The following L3MBTL1 variants were observed in gnomAD, a reference collection of about 807,000 sequenced individuals.
The protein encoded by L3MBTL1 is lethal(3)malignant brain tumor-like protein 1.
In L3MBTL1, 75 loss-of-function variants were observed where a neutral mutation model predicts 105.3. The ratio of observed to expected loss-of-function variants is 0.71; its 90% confidence interval spans 0.59 to 0.86. The LOEUF is 0.86. L3MBTL1 is among the 40% of genes least tolerant of loss of function. The probability of loss-of-function intolerance (pLI) is 0.00; values close to 1 mark genes in which losing one functional copy is unlikely to be tolerated. For synonymous variants in L3MBTL1, 452 were observed against 436.2 expected (o/e 1.04, Z -0.45); for missense variants, 1,069 against 1,126.4 (o/e 0.95, Z 0.73).
intron 3 of L3MBTL1, 136 bp from the exon 4 acceptor site, chr20:43,514,499 G>GC (rs1257502687): frequency 6.5e-7 from 1 of 1,540,538 alleles, no homozygotes; most frequent in African/African-American, 1.4e-5. Flanking sequence ...TTGGAGTGAG[G>GC]CCCCCTGGCG....
chr20:43,532,996 G>A (rs1455776300), intron 12 of L3MBTL1, 72 bp downstream of exon 12: 2 of 1,493,080 alleles, frequency 1.3e-6, no homozygotes, highest in African/African-American at 2.8e-5. Context: ...CATATCTCAG[G>A]TACCATGTGG....
chr20:43,529,373 G>A lies in L3MBTL1; in HGVS notation c.1056+5G>A. The A allele has an allele frequency of 3.8e-6, 6 of 1,595,410 alleles. No individual in the cohort carries two copies. The highest frequency in any genetic ancestry group is 4.3e-6 in the Non-Finnish European group (5 of 1,165,460). ...TTCATCCTCACCGTGGCTGAGGTGA[G>A]CTGGGGCTTGGTACCACCTTTCTGA... On this transcript the variant is annotated splice_donor_5th_base_variant and intron_variant, in intron 9 of 21. Coordinates refer to ENST00000418998, the MANE Select transcript of L3MBTL1 (RefSeq NM_001377303.1).
intron 15 of L3MBTL1, 102 bp downstream of exon 15, chr20:43,534,496 G>C (rs529067027): frequency 5.6e-6 from 5 of 898,738 alleles, no homozygotes; most frequent in Non-Finnish European, 8.8e-6. Flanking sequence ...GAGAGATGAA[G>C]CCAAAGATCT....
intron 7 of L3MBTL1, among the ~76,000 whole-genome samples, chr20:43,522,457 GTTTTTTTTT>G (rs1176856356): frequency 4.2e-5 from 4 of 95,898 alleles, no homozygotes; most frequent in Admixed American, 1.4e-4. Flanking sequence ...TCCCTGCTAA[GTTTTTTTTT>G]TTTTTTTTTT....
At chr20:43,540,655 C>A in intron 20 of L3MBTL1, 98 bp from the exon 21 acceptor site, 1 of 1,159,130 alleles carries the variant, frequency 8.6e-7, no homozygotes, top group Non-Finnish European at 1.3e-6. Flanking sequence ...GAAAAAGCAG[C>A]ATTGGCACAG....
At chr20:43,546,181 A>G (rs928137959), downstream of L3MBTL1, among the ~76,000 whole-genome samples, 2 of 152,220 alleles carry the variant, frequency 1.3e-5, no homozygotes, top group African/African-American at 4.8e-5. Flanking sequence ...GGGGTGGTAG[A>G]GGGAACAGAG....
At chr20:43,545,733 G>T (rs1369262262), downstream of L3MBTL1, among the ~76,000 whole-genome samples, 1 of 152,228 alleles carries the variant, frequency 6.6e-6, no homozygotes, top group African/African-American at 2.4e-5. Context: ...TCATCGGTGT[G>T]TTTGGCTACT....
intron 7 of L3MBTL1, among the ~76,000 whole-genome samples, chr20:43,519,567 C>T (rs1239427346): frequency 1.3e-5 from 2 of 152,132 alleles, no homozygotes; most frequent in Non-Finnish European, 2.9e-5. Context: ...ACCTGGGAGG[C>T]GGAGGATGCA....
intron 7 of L3MBTL1, among the ~76,000 whole-genome samples, chr20:43,525,790 G>A (rs2145430535): frequency 6.6e-6 from 1 of 152,250 alleles, no homozygotes. Flanking sequence ...TATCATCTAA[G>A]GGCATTATGA....
At chr20:43,539,970 T>C (rs1430969759) in intron 19 of L3MBTL1, 181 bp from the exon 20 acceptor site, 1 of 685,494 alleles carries the variant, frequency 1.5e-6, no homozygotes, top group Non-Finnish European at 2.6e-6. Flanking sequence ...CCAGCAGGAG[T>C]GAACACTGTG....
rs1231451460 is a variant in L3MBTL1, at chr20:43,511,704, C to T, written c.-28-1772C>T. Among the ~76,000 whole-genome samples the T allele has an allele frequency of 2.7e-5, 4 of 150,762 alleles. No homozygotes were observed. In the Admixed American group the frequency reaches 2.7e-4, roughly 10 times the overall value. The stretch of plus-strand genomic sequence containing the variant: ...GCTGAGGTAGGAGAATTGCTTGAAC[C>T]TGGGAGGCAGAGGTTGCAGTCAGCC... On this transcript the variant is annotated intron_variant, in intron 1 of 21. Transcript: ENST00000418998.
intron 1 of L3MBTL1, 62 bp from the exon 2 acceptor site, chr20:43,513,414 T>A: frequency 6.8e-7 from 1 of 1,473,902 alleles, no homozygotes; most frequent in Admixed American, 2.2e-5. Flanking sequence ...CCTTCACATC[T>A]CCATTGCTGC....
At chr20:43,528,499 G>T (rs966395637) in intron 7 of L3MBTL1, among the ~76,000 whole-genome samples, 158 bp from the exon 8 acceptor site, 1 of 152,326 alleles carries the variant, frequency 6.6e-6, no homozygotes, top group Middle Eastern at 3.4e-3. Context: ...CCTCAGCCCC[G>T]TGTCTGGCAC....
At chr20:43,520,756 A>G (rs570497897) in intron 7 of L3MBTL1, among the ~76,000 whole-genome samples, 3 of 152,190 alleles carry the variant, frequency 2.0e-5, no homozygotes, top group Non-Finnish European at 4.4e-5. Flanking sequence ...AACAGATTTT[A>G]TATTGAAATA....
intron 7 of L3MBTL1, among the ~76,000 whole-genome samples, chr20:43,527,539 T>C (rs899108341): frequency 6.8e-6 from 1 of 146,008 alleles, no homozygotes. Flanking sequence ...GTCCTGACCA[T>C]AGTGTATGTG....
In L3MBTL1 at chr20:43,532,704, T is replaced by C. The variant is rs541036652; in HGVS notation, c.1285-69T>C. Reference sequence around the variant, plus strand: ...TTCCTAGAGAACCTATTCCTTTGTTTGCCAATGGGCTCTGGGCTGGTCTTA... The same window carrying C: ...TTCCTAGAGAACCTATTCCTTTGTTCGCCAATGGGCTCTGGGCTGGTCTTA... On this transcript the variant is annotated intron_variant, in intron 11 of 21. Transcript: ENST00000418998. 9 of 1,537,576 alleles carry C rather than the reference T, an allele frequency of 5.9e-6. No individual in the cohort carries two copies. In the African/African-American group the frequency reaches 6.9e-5, roughly 12 times the overall value.
chr20:43,540,378 A>C, intron 20 of L3MBTL1, 70 bp downstream of exon 20: 1 of 1,560,586 alleles, frequency 6.4e-7, no homozygotes, highest in East Asian at 2.2e-5. Flanking sequence ...CCTGGTGGAA[A>C]GGCCCAGGTC....
chr20:43,548,135 TTGC>T (rs1308605496), exon 19 of L3MBTL1: 1 of 1,304,226 alleles, frequency 7.7e-7, no homozygotes, highest in Non-Finnish European at 1.0e-6. Flanking sequence ...GGCCTTCCTT[TTGC>T]TGACACAGGC....
chr20:43,546,986 C>T (rs1318460688), intron 18 of L3MBTL1, among the ~76,000 whole-genome samples: 1 of 152,044 alleles, frequency 6.6e-6, no homozygotes, highest in Non-Finnish European at 1.5e-5. Flanking sequence ...ATACATTTTG[C>T]AGTTTTTGAG....
Sources: gnomAD v4.1 joint callset for allele counts (sites outside exome capture counted in the v4.1 genomes callset) on GRCh38, gnomAD v4.1.1 for gene constraint, MANE v1.5 for transcripts, NCBI Gene and HGNC (gene_info 2026-07-23, HGNC 2026-07-21) for gene names.